CDH13: variants seen among roughly 807,000 people sequenced by gnomAD.
The protein encoded by CDH13 is cadherin 13.
CDH13 carries 24 observed loss-of-function variants against 63.8 expected under a neutral mutation model. That is an observed-to-expected ratio of 0.38 (90% CI 0.27 to 0.53). The LOEUF is 0.53. Ranked by LOEUF, CDH13 falls within the 20% of genes least tolerant of loss-of-function variation. The pLI is 0.85. For missense variants in CDH13, 1,049 were observed against 903.1 expected (o/e 1.16, Z -2.07); for synonymous variants, 503 against 355.3 (o/e 1.42, Z -4.67).
intron 5 of CDH13, among the ~76,000 whole-genome samples, chr16:83,338,909 T>G (rs966591586): frequency 6.6e-6 from 1 of 152,188 alleles, no homozygotes; most frequent in African/African-American, 2.4e-5. Context: ...GTATTTGCTG[T>G]TTTTCCTAAG....
intron 1 of CDH13, among the ~76,000 whole-genome samples, chr16:82,711,987 A>G (rs1047749185): frequency 6.6e-6 from 1 of 152,216 alleles, no homozygotes; most frequent in Non-Finnish European, 1.5e-5. Flanking sequence ...AGGTGATCTC[A>G]GTCCAGAGGC....
chr16:83,356,634 A>G (rs2091063000), intron 6 of CDH13, among the ~76,000 whole-genome samples: 1 of 152,126 alleles, frequency 6.6e-6, no homozygotes, highest in Non-Finnish European at 1.5e-5. Context: ...TAATATATAT[A>G]TACAGTAAGA....
At chr16:83,020,308 A>G (rs1915227285) in intron 2 of CDH13, among the ~76,000 whole-genome samples, 1 of 152,184 alleles carries the variant, frequency 6.6e-6, no homozygotes, top group African/African-American at 2.4e-5. Flanking sequence ...ACATGAATTC[A>G]CAAATTCTTC....
intron 3 of CDH13, among the ~76,000 whole-genome samples, chr16:83,033,070 C>T (rs890692744): frequency 6.6e-6 from 1 of 152,046 alleles, no homozygotes; most frequent in Admixed American, 6.6e-5. Context: ...CATATACAGG[C>T]ATATGTACCA....
chr16:82,932,932 T>C (rs1597241248), intron 2 of CDH13, among the ~76,000 whole-genome samples: 1 of 152,332 alleles, frequency 6.6e-6, no homozygotes. Flanking sequence ...TGGGAAGCCA[T>C]GATTTAGTAG....
intron 4 of CDH13, among the ~76,000 whole-genome samples, chr16:83,172,017 G>A (rs559012511): frequency 1.7e-4 from 26 of 152,078 alleles, no homozygotes; most frequent in African/African-American, 5.6e-4. Context: ...ACCAAAATTC[G>A]TATGTTGAAG....
intron 1 of CDH13, among the ~76,000 whole-genome samples, chr16:82,707,804 T>A (rs1252970954): frequency 1.3e-5 from 2 of 152,168 alleles, no homozygotes; most frequent in African/African-American, 4.8e-5. Flanking sequence ...ACCATCTGTG[T>A]GGTATTCAAG....
At chr16:83,238,007 C>G (rs1327787767) in intron 5 of CDH13, among the ~76,000 whole-genome samples, 3 of 152,128 alleles carry the variant, frequency 2.0e-5, no homozygotes, top group Non-Finnish European at 4.4e-5. Context: ...TGTTCTGATG[C>G]CAAAGCCCAT....
At chr16:82,892,812 A>C (rs976402342) in intron 2 of CDH13, among the ~76,000 whole-genome samples, 1 of 152,122 alleles carries the variant, frequency 6.6e-6, no homozygotes, top group African/African-American at 2.4e-5. Flanking sequence ...AGAAATTTGC[A>C]TCTTGTAACC....
intron 7 of CDH13, among the ~76,000 whole-genome samples, chr16:83,498,873 C>T (rs571941263): frequency 6.8e-4 from 103 of 152,266 alleles, no homozygotes; most frequent in Middle Eastern, 3.4e-3. Flanking sequence ...GGGCTTTTTC[C>T]AGGTTACTGA....
rs573088098 is a variant in CDH13 at position 82,637,428 on chromosome 16, CTT to C, written c.45+10310_45+10311del. 2.6e-3 allele frequency among the ~76,000 whole-genome samples: 211 copies of C among 81,636 alleles called. 2 individuals carry two copies. Among genetic ancestry groups the C allele is most frequent in the Middle Eastern group, 0.027 (2 of 74 alleles). The allele number at this position is 81,636 out of a possible 152,430, so 53.6% of individuals were successfully genotyped here. ...GCTGAGGTCTGTACAGTTACTGTGC[CTT>C]TTTTTTTTTTTTTTTTTTGAGACGG... On this transcript the variant is annotated intron_variant, in intron 1 of 13. Transcript: ENST00000567109.
chr16:83,722,773 G>A (rs1036345532), intron 10 of CDH13, among the ~76,000 whole-genome samples: 7 of 152,188 alleles, frequency 4.6e-5, no homozygotes, highest in African/African-American at 1.7e-4. Context: ...ACCAGGCTGG[G>A]GGGGTGGATT....
At chr16:82,989,542 T>C (rs1335785639) in intron 2 of CDH13, among the ~76,000 whole-genome samples, 2 of 152,170 alleles carry the variant, frequency 1.3e-5, no homozygotes, top group East Asian at 3.9e-4. Context: ...GTCATGTCAA[T>C]TTTCTTGTTT....
chr16:82,655,501 G>T (rs1038502007), intron 1 of CDH13, among the ~76,000 whole-genome samples: 1 of 152,124 alleles, frequency 6.6e-6, no homozygotes, highest in African/African-American at 2.4e-5. Context: ...GCAGTGTCGG[G>T]TCCAAGAGTA....
intron 2 of CDH13, among the ~76,000 whole-genome samples, chr16:82,917,305 G>A (rs377439544): frequency 6.9e-4 from 105 of 152,178 alleles, no homozygotes; most frequent in African/African-American, 2.4e-3. Context: ...TCAGGGTTAC[G>A]TCAGGAAGGT....
chr16:83,004,661 C>T (rs1002445937), intron 2 of CDH13, among the ~76,000 whole-genome samples: 1 of 152,094 alleles, frequency 6.6e-6, no homozygotes, highest in Non-Finnish European at 1.5e-5. Context: ...CCACACCCAG[C>T]AAATTTTTTG....
At chr16:83,510,523 A>G (rs980379245) in intron 7 of CDH13, among the ~76,000 whole-genome samples, 1 of 152,228 alleles carries the variant, frequency 6.6e-6, no homozygotes, top group African/African-American at 2.4e-5. Flanking sequence ...GAAAAGAGAG[A>G]TACCTTGACA....
chr16:83,569,669 C>A (rs946640576), intron 7 of CDH13, among the ~76,000 whole-genome samples: 5 of 152,128 alleles, frequency 3.3e-5, no homozygotes, highest in African/African-American at 1.2e-4. Flanking sequence ...AGGACATGGA[C>A]TCAGAGACGT....
chr16:82,938,035 A>C (rs1332130548), intron 2 of CDH13, among the ~76,000 whole-genome samples: 2 of 152,224 alleles, frequency 1.3e-5, no homozygotes, highest in Non-Finnish European at 2.9e-5. Flanking sequence ...GTTTAATTGA[A>C]AGAAGAAGAA....
Sources: allele counts gnomAD v4.1 joint callset (sites outside exome capture counted in the v4.1 genomes callset), GRCh38; gene constraint gnomAD v4.1.1; transcripts MANE v1.5; gene names NCBI Gene and HGNC (gene_info 2026-07-23, HGNC 2026-07-21).